The following NTM variants were observed in gnomAD, a reference collection of about 807,000 sequenced individuals.
NTM encodes the protein neurotrimin.
NTM carries 13 observed loss-of-function variants against 42.1 expected under a neutral mutation model. The observed-to-expected ratio is 0.31, with a 90% CI of 0.20 to 0.49. The LOEUF (loss-of-function observed/expected upper bound fraction) is 0.49, where lower values mean the gene tolerates loss of function less well. Among genes scored for constraint, NTM ranks in the 20% least tolerant of loss-of-function variants. The pLI, the probability that NTM is intolerant of heterozygous loss-of-function variation, is 0.99. For missense variants in NTM, 373 were observed against 452.8 expected (o/e 0.82, Z 1.60); for synonymous variants, 187 against 179.2 (o/e 1.04, Z -0.35).
chr11:132,263,090 G>T (rs2092966339), intron 4 of NTM, among the ~76,000 whole-genome samples: 1 of 152,152 alleles, frequency 6.6e-6, no homozygotes, highest in South Asian at 2.1e-4. Flanking sequence ...TTTGCTACAG[G>T]AATATATCTT....
intron 1 of NTM, among the ~76,000 whole-genome samples, chr11:131,457,572 C>G (rs1254308286): frequency 6.6e-6 from 1 of 152,158 alleles, no homozygotes; most frequent in African/African-American, 2.4e-5. Flanking sequence ...AGAAATGATA[C>G]TGCGGCATGG....
chr11:132,191,171 G>C (rs538388470), intron 3 of NTM, among the ~76,000 whole-genome samples: 4 of 152,054 alleles, frequency 2.6e-5, no homozygotes, highest in African/African-American at 9.7e-5. Flanking sequence ...TTATGCTTGC[G>C]GCCACCACCC....
chr11:131,881,409 C>G (rs936993153), intron 1 of NTM, among the ~76,000 whole-genome samples: 1 of 151,708 alleles, frequency 6.6e-6, no homozygotes, highest in African/African-American at 2.4e-5. Context: ...GGGTCATTGA[C>G]TTGACCCTAC....
intron 2 of NTM, among the ~76,000 whole-genome samples, chr11:132,004,608 TCTCTC>T (rs2070295636): frequency 5.4e-5 from 1 of 18,578 alleles, no homozygotes; most frequent in Non-Finnish European, 1.6e-4. Context: ...TCTCTCTTTC[TCTCTC>T]TCTCTCTCTC....
At chr11:132,283,850 G>A (rs3099784) in intron 4 of NTM, among the ~76,000 whole-genome samples, 31,603 of 152,068 alleles carry the variant, frequency 0.21, 3,842 homozygotes, top group Middle Eastern at 0.35. Context: ...AACCGTGTCT[G>A]CAGAGGAGAC....
At chr11:131,564,919 G>A (rs1328944549) in intron 1 of NTM, among the ~76,000 whole-genome samples, 3 of 152,044 alleles carry the variant, frequency 2.0e-5, no homozygotes, top group African/African-American at 4.8e-5. Flanking sequence ...CTTCCTCTAC[G>A]TCTGCCCATG....
chr11:131,598,002 C>A (rs1417806372), intron 1 of NTM, among the ~76,000 whole-genome samples: 1 of 152,202 alleles, frequency 6.6e-6, no homozygotes, highest in African/African-American at 2.4e-5. Context: ...GGACAGGAGC[C>A]ACAGGCCTCC....
At chr11:131,949,215 G>A (rs1278147756) in intron 2 of NTM, among the ~76,000 whole-genome samples, 1 of 152,218 alleles carries the variant, frequency 6.6e-6, no homozygotes, top group Non-Finnish European at 1.5e-5. Context: ...ATGCATTAGT[G>A]TATATTACTG....
At chr11:131,440,413 G>A (rs1430102987) in intron 1 of NTM, among the ~76,000 whole-genome samples, 2 of 152,048 alleles carry the variant, frequency 1.3e-5, no homozygotes, top group Non-Finnish European at 2.9e-5. Flanking sequence ...TCTTGTGGGT[G>A]GCTTTTTCAG....
At chr11:131,609,673 G>T (rs958614963) in intron 1 of NTM, among the ~76,000 whole-genome samples, 4 of 152,192 alleles carry the variant, frequency 2.6e-5, no homozygotes, top group African/African-American at 4.8e-5. Context: ...GCCAAGCCCT[G>T]GGTCTGACCC....
At chr11:132,276,912 G>A (rs893855191) in intron 4 of NTM, among the ~76,000 whole-genome samples, 4 of 152,146 alleles carry the variant, frequency 2.6e-5, no homozygotes, top group African/African-American at 9.7e-5. Context: ...TGTAGGGGTG[G>A]TCTTAGGGAC....
At chr11:131,754,544 G>C (rs1185859707) in intron 1 of NTM, among the ~76,000 whole-genome samples, 1 of 151,420 alleles carries the variant, frequency 6.6e-6, no homozygotes, top group Non-Finnish European at 1.5e-5. Flanking sequence ...AGAATTGCTT[G>C]AACCTGGAAG....
At chr11:131,804,006 A>G (rs2092333454) in intron 1 of NTM, among the ~76,000 whole-genome samples, 3 of 152,116 alleles carry the variant, frequency 2.0e-5, no homozygotes, top group African/African-American at 7.2e-5. Context: ...AATTGCCTTC[A>G]CAGTATTACC....
At chr11:132,033,608 T>G (rs541877546) in intron 2 of NTM, among the ~76,000 whole-genome samples, 1 of 152,190 alleles carries the variant, frequency 6.6e-6, no homozygotes, top group South Asian at 2.1e-4. Context: ...TGCTCGTTGC[T>G]CCCCCTAATG....
chr11:131,854,966 A>C (rs1223419268), intron 1 of NTM, among the ~76,000 whole-genome samples: 1 of 152,134 alleles, frequency 6.6e-6, no homozygotes, highest in East Asian at 1.9e-4. Flanking sequence ...ATATAGACCA[A>C]TGCAATGCAC....
Position 131,967,988 on chromosome 11 carries a change from T to C in NTM, c.167+56340T>C, listed in dbSNP as rs546964490. ...AAAGTCCCTTGACCTTTTAAATAAT[T>C]GCCATTATACCAACCGTATATAGGA... On this transcript the variant is annotated intron_variant, in intron 2 of 8. Transcript: ENST00000683400. Among the ~76,000 whole-genome samples the C allele has an allele frequency of 2.1e-4, 32 of 152,244 alleles. 1 individual carries two copies. In the South Asian group the frequency reaches 6.0e-3, roughly 29 times the overall value.
At chr11:132,291,918 T>C (rs1054550851) in intron 4 of NTM, among the ~76,000 whole-genome samples, 2 of 152,134 alleles carry the variant, frequency 1.3e-5, no homozygotes, top group African/African-American at 4.8e-5. Context: ...GGTTGAAGTG[T>C]GAATATGAGG....
chr11:131,389,864 A>G (rs1943791547), intron 1 of NTM, among the ~76,000 whole-genome samples: 1 of 152,174 alleles, frequency 6.6e-6, no homozygotes, highest in Admixed American at 6.5e-5. Context: ...CAGTTAATCC[A>G]AATATAACAG....
At chr11:131,936,666 C>T (rs891543570) in intron 2 of NTM, among the ~76,000 whole-genome samples, 6 of 152,286 alleles carry the variant, frequency 3.9e-5, no homozygotes, top group East Asian at 3.8e-4. Context: ...TAAAAAACTA[C>T]GCACATGCAT....
Sources: allele counts gnomAD v4.1 joint callset (sites outside exome capture counted in the v4.1 genomes callset), GRCh38; gene constraint gnomAD v4.1.1; transcripts MANE v1.5; gene names NCBI Gene and HGNC (gene_info 2026-07-23, HGNC 2026-07-21).